The following DESI2 variants were observed in gnomAD, a reference collection of about 807,000 sequenced individuals.
DESI2 encodes deubiquitinase DESI2.
DESI2 carries 10 observed loss-of-function variants against 24.1 expected under a neutral mutation model. That is an observed-to-expected ratio of 0.41 (90% CI 0.26 to 0.70). The LOEUF is 0.70. Among genes scored for constraint, DESI2 ranks in the 30% least tolerant of loss-of-function variants. The pLI is 0.29. For missense variants in DESI2, 122 were observed against 234.9 expected (o/e 0.52, Z 3.14); for synonymous variants, 71 against 87.7 (o/e 0.81, Z 1.06).
rs1442702859 is a variant in DESI2, at chr1:244,707,318, G to C, written c.*1529G>C. 2.6e-5 allele frequency: 4 copies of C among 152,554 alleles called. No individual in the cohort carries two copies. Among genetic ancestry groups the C allele is most frequent in the Non-Finnish European group, 5.9e-5 (4 of 68,018 alleles). 9.5% of individuals were successfully genotyped at this position (152,554 alleles called of 1,614,324 possible). On this transcript the variant is annotated 3_prime_UTR_variant, in exon 5 of 5. Transcript: ENST00000302550. ...CATTTTATCAACGTAAGCACACCCT[G>C]TTCATAGGGAAAATAAACCTTGGGT...
At chr1:244,682,348 A>G (rs1676646381) in intron 1 of DESI2, among the ~76,000 whole-genome samples, 1 of 152,204 alleles carries the variant, frequency 6.6e-6, no homozygotes. Context: ...CTAGCTAGAC[A>G]GAAAAGTTCT....
chr1:244,705,896 TCCCCCAAATCC>T lies in DESI2; in HGVS notation c.*109_*119del, dbSNP rs1401731627. ...GATATTTTGTATGCAAAGATGGCTC[TCCCCCAAATCC>T]CAGTTTTTCAGCTCAGGATTATATT... is the stretch of plus-strand genomic sequence containing the variant. On this transcript the variant is annotated 3_prime_UTR_variant, in exon 5 of 5. Coordinates refer to ENST00000302550, the MANE Select transcript of DESI2 (RefSeq NM_016076.5). 3.4e-5 allele frequency: 26 copies of T among 762,520 alleles called. No individual in the cohort carries two copies. The highest frequency in any genetic ancestry group is 4.5e-5 in the Non-Finnish European group (22 of 484,378). The allele number at this position is 762,520 out of a possible 1,614,324, so 47.2% of individuals were successfully genotyped here. A position where few individuals can be genotyped will look rare whatever the true frequency, so the allele number is the denominator to read the frequency against.
At chr1:244,672,322 C>T (rs2813918) in intron 1 of DESI2, among the ~76,000 whole-genome samples, 148,448 of 152,174 alleles carry the variant, frequency 0.98, 72,502 homozygotes, top group East Asian at 1. Context: ...CCGGGACCTC[C>T]CCATTTCTCC....
rs183480894 is a variant in DESI2, at chr1:244,708,641, T to A, written c.*2852T>A. ...GGGTTCTAATCTGTGTGTCTCCTTATGACTCCATTTCTGTAAGCTACTCTG... is the reference window on the plus strand; with the variant it reads ...GGGTTCTAATCTGTGTGTCTCCTTAAGACTCCATTTCTGTAAGCTACTCTG... On this transcript the variant is annotated 3_prime_UTR_variant, in exon 5 of 5. Coordinates refer to ENST00000302550, the MANE Select transcript of DESI2 (RefSeq NM_016076.5). The A allele has an allele frequency of 1.5e-4, 23 of 152,826 alleles. No individual in the cohort carries two copies. The East Asian group carries it at 4.4e-3, about 29-fold the overall frequency. The allele number at this position is 152,826 out of a possible 1,614,324, so 9.5% of individuals were successfully genotyped here.
chr1:244,686,250 C>CTGTGTGTGTGTGTG (rs767500032), intron 1 of DESI2, among the ~76,000 whole-genome samples: 10 of 150,508 alleles, frequency 6.6e-5, no homozygotes, highest in East Asian at 2.0e-4. Flanking sequence ...AAAGCACACT[C>CTGTGTGTGTGTGTG]TGTGTGTGTG....
chr1:244,670,940 A>G (rs1241422253), intron 1 of DESI2, among the ~76,000 whole-genome samples: 1 of 152,240 alleles, frequency 6.6e-6, no homozygotes, highest in Non-Finnish European at 1.5e-5. Context: ...AAAATATAAT[A>G]GAAGAAACGC....
At position 244,705,705 on chromosome 1, in the gene DESI2, G is replaced by A; in HGVS notation, c.501G>A (p.Leu167=). The change falls in exon 5 of 5, where the codon CTG becomes CTA. Residue 167 remains leucine, a synonymous_variant. Transcript: ENST00000302550. Reference sequence around the variant, plus strand: ...TCAGCCAAGAACTCCAGGATGAACTGGAGGAAGCAGAGGATGCTGCCGCAT... The same window carrying A: ...TCAGCCAAGAACTCCAGGATGAACTAGAGGAAGCAGAGGATGCTGCCGCAT... The part of the protein sequence containing the change: ...SSVSQELQDE[L]EEAEDAAASA... The A allele has an allele frequency of 3.7e-6, 6 of 1,614,058 alleles. No individual in the cohort carries two copies. Among genetic ancestry groups the A allele is most frequent in the Non-Finnish European group, 5.1e-6 (6 of 1,180,026 alleles).
intron 1 of DESI2, among the ~76,000 whole-genome samples, chr1:244,675,200 C>T (rs957465324): frequency 3.3e-5 from 5 of 151,866 alleles, no homozygotes; most frequent in Admixed American, 3.3e-4. Context: ...CATATAAGTC[C>T]CTTGTCGGTA....
chr1:244,705,714 A>G lies in DESI2; in HGVS notation c.510A>G (p.Ala170=), dbSNP rs766731366. The G allele has an allele frequency of 3.0e-5, 48 of 1,613,978 alleles. No individual in the cohort carries two copies. In the Middle Eastern group the frequency reaches 4.9e-4, roughly 17 times the overall value. ...AACTCCAGGATGAACTGGAGGAAGC[A>G]GAGGATGCTGCCGCATCCGCTTCCG... The part of the protein sequence containing the change: ...SQELQDELEE[A]EDAAASASVA... Residue 170 remains alanine, a synonymous_variant, in exon 5 of 5, where the codon GCA becomes GCG. Transcript: ENST00000302550.
intron 4 of DESI2, among the ~76,000 whole-genome samples, chr1:244,703,808 G>C (rs377313453): frequency 6.6e-6 from 1 of 152,014 alleles, no homozygotes; most frequent in African/African-American, 2.4e-5. Flanking sequence ...ACAGGTGCCC[G>C]CCACCACGCC....
chr1:244,701,209 CCCT>C (rs1558669728), intron 4 of DESI2, among the ~76,000 whole-genome samples: 5 of 35,008 alleles, frequency 1.4e-4, no homozygotes, highest in South Asian at 1.5e-3. Flanking sequence ...GACCACCTTC[CCCT>C]CCACCCCCCC....
Position 244,689,448 on chromosome 1 carries a change from AT to A in DESI2, c.209+107del, listed in dbSNP as rs1185588016. 1 of 606,048 alleles carries A rather than the reference AT, an allele frequency of 1.7e-6. No homozygotes were observed. Among genetic ancestry groups the A allele is most frequent in the Non-Finnish European group, 3.0e-6 (1 of 337,110 alleles). 37.5% of individuals were successfully genotyped at this position (606,048 alleles called of 1,614,324 possible). ...TCAAAACAAACCCAAGAAGTTAAAA[AT>A]GTCTCTTTGTTTTAATTGCTGACAT... On this transcript the variant is annotated intron_variant, in intron 3 of 4. Transcript: ENST00000302550. This position sits in a 1 kb window ranked among gnomAD's most constrained non-coding sequence, Gnocchi z 4.0.
At chr1:244,682,360 C>G (rs1337368624) in intron 1 of DESI2, among the ~76,000 whole-genome samples, 1 of 152,186 alleles carries the variant, frequency 6.6e-6, no homozygotes, top group Admixed American at 6.5e-5. Flanking sequence ...AAAAGTTCTC[C>G]AAGTCCCCAC....
chr1:244,667,181 G>A (rs1558652959), intron 1 of DESI2, among the ~76,000 whole-genome samples: 1 of 152,092 alleles, frequency 6.6e-6, no homozygotes, highest in Non-Finnish European at 1.5e-5. Context: ...ACTCATTTCA[G>A]CATTAACCCA....
chr1:244,666,910 G>A (rs544965630), intron 1 of DESI2, among the ~76,000 whole-genome samples: 1 of 152,214 alleles, frequency 6.6e-6, no homozygotes, highest in African/African-American at 2.4e-5. Context: ...AGCAGAAGTG[G>A]AAATGCCTGA....
chr1:244,659,120 G>C (rs1675748539), intron 1 of DESI2, among the ~76,000 whole-genome samples: 1 of 148,268 alleles, frequency 6.7e-6, no homozygotes, highest in South Asian at 2.1e-4. Flanking sequence ...CATGAGTCTA[G>C]CTAAGCAAAA....
chr1:244,708,476 G>A lies in DESI2; in HGVS notation c.*2687G>A, dbSNP rs922658145. The A allele has an allele frequency of 6.6e-6, 1 of 152,622 alleles. No homozygotes were observed. The highest frequency in any genetic ancestry group is 2.4e-5 in the African/African-American group (1 of 41,426). The allele number at this position is 152,622 out of a possible 1,614,324, so 9.5% of individuals were successfully genotyped here. A position where few individuals can be genotyped will look rare whatever the true frequency, so the allele number is the denominator to read the frequency against. On this transcript the variant is annotated 3_prime_UTR_variant, in exon 5 of 5. Coordinates refer to ENST00000302550, the MANE Select transcript of DESI2 (RefSeq NM_016076.5). ...AGCAAGTTACCCATCACCAGCATTT[G>A]TACAGAGCAGGGAATTCTGGTTTTA...
chr1:244,675,113 T>C (rs757140389), intron 1 of DESI2, among the ~76,000 whole-genome samples: 71 of 152,244 alleles, frequency 4.7e-4, no homozygotes, highest in Non-Finnish European at 7.9e-4. Flanking sequence ...AAGAAATACT[T>C]TTTTTTAGAT....
At chr1:244,704,992 A>G (rs1403178988) in intron 4 of DESI2, among the ~76,000 whole-genome samples, 1 of 152,110 alleles carries the variant, frequency 6.6e-6, no homozygotes, top group Admixed American at 6.6e-5. Context: ...CTTATCACCC[A>G]GGCTGTTTTT....
Sources: gnomAD v4.1 joint callset for allele counts (sites outside exome capture counted in the v4.1 genomes callset) on GRCh38, gnomAD v4.1.1 for gene constraint, Gnocchi (gnomAD v3.1) non-coding constraint, MANE v1.5 for transcripts, NCBI Gene and HGNC (gene_info 2026-07-23, HGNC 2026-07-21) for gene names.